Variants in SGCG observed in about 807,000 individuals in gnomAD.
SGCG encodes the protein gamma-sarcoglycan.
SGCG carries 26 observed loss-of-function variants against 29.3 expected under a neutral mutation model. The ratio of observed to expected loss-of-function variants is 0.89; its 90% confidence interval spans 0.65 to 1.23. SGCG has a LOEUF of 1.23. SGCG is among the 50% of genes most tolerant of loss of function. The pLI is 0.00. For synonymous variants in SGCG, 145 were observed against 129.7 expected, an observed-to-expected ratio of 1.12 and a Z score of -0.80; for missense variants, 353 against 356.0, an observed-to-expected ratio of 0.99 and a Z score of 0.07.
intron 6 of SGCG, among the ~76,000 whole-genome samples, chr13:23,300,889 G>T (rs1882132293): frequency 6.6e-6 from 1 of 151,330 alleles, no homozygotes; most frequent in Non-Finnish European, 1.5e-5. Flanking sequence ...GCCGAGGCGG[G>T]CAGATCATGA....
At chr13:23,224,680 A>ACACACACACACACACACC (rs1433903594) in intron 2 of SGCG, among the ~76,000 whole-genome samples, 20 of 150,664 alleles carry the variant, frequency 1.3e-4, no homozygotes, top group South Asian at 4.2e-4. Context: ...ACACACACAC[A>ACACACACACACACACACC]CCCCACACCA....
intron 6 of SGCG, among the ~76,000 whole-genome samples, chr13:23,314,472 T>C (rs961867856): frequency 2.8e-5 from 4 of 140,874 alleles, no homozygotes; most frequent in Admixed American, 7.3e-5. Context: ...ATATATAAGA[T>C]ATATATCTTA....
chr13:23,212,147 A>G (rs1009711579), intron 2 of SGCG, among the ~76,000 whole-genome samples: 1 of 152,096 alleles, frequency 6.6e-6, no homozygotes, highest in Admixed American at 6.6e-5. Flanking sequence ...CCCAGAAGCC[A>G]AGCAGAAACC....
chr13:23,165,173 A>G, the SGCG span, among the ~76,000 whole-genome samples: 1 of 152,220 alleles, frequency 6.6e-6, no homozygotes, highest in South Asian at 2.1e-4. Context: ...GAACTATTTG[A>G]ATTAATCTTG....
chr13:23,210,417 C>T (rs554842168), intron 2 of SGCG, among the ~76,000 whole-genome samples: 9 of 152,084 alleles, frequency 5.9e-5, no homozygotes, highest in South Asian at 2.1e-4. Flanking sequence ...CACGGCTGGG[C>T]GCGGTGGCTC....
chr13:23,272,974 G>A (rs992429779), intron 4 of SGCG, among the ~76,000 whole-genome samples: 12 of 152,012 alleles, frequency 7.9e-5, no homozygotes, highest in African/African-American at 2.9e-4. Flanking sequence ...CATGTGTTGT[G>A]TATTTGTGTT....
At chr13:23,249,061 T>C (rs1879856496) in intron 3 of SGCG, among the ~76,000 whole-genome samples, 3 of 151,998 alleles carry the variant, frequency 2.0e-5, no homozygotes, top group African/African-American at 7.2e-5. Flanking sequence ...TAAAGAACAG[T>C]TCACCTACTC....
intron 1 of SGCG, among the ~76,000 whole-genome samples, chr13:23,193,686 T>C (rs1376289862): frequency 1.3e-5 from 2 of 152,140 alleles, no homozygotes; most frequent in Non-Finnish European, 2.9e-5. Context: ...CAGTTCGAAA[T>C]ACCAAGTGGA....
chr13:23,275,143 A>ATATATATATATATATATG (rs1881023771), intron 4 of SGCG, among the ~76,000 whole-genome samples: 3 of 146,874 alleles, frequency 2.0e-5, no homozygotes, highest in Non-Finnish European at 4.5e-5. Flanking sequence ...ATATATATAT[A>ATATATATATATATATATG]GAAATGAGGA....
chr13:23,203,684 C>G lies in SGCG; in HGVS notation c.1-11C>G, dbSNP rs1002721062. ...CTTTCTCTCTCCTCTCGTGAACACA[C>G]TCCGTGGCAGATGGTGCGTGAGCAG... On this transcript the variant is annotated splice_polypyrimidine_tract_variant and intron_variant, in intron 1 of 7. Coordinates refer to ENST00000218867, the MANE Select transcript of SGCG (RefSeq NM_000231.3). 4 of 1,605,860 alleles carry G rather than the reference C, an allele frequency of 2.5e-6. No individual in the cohort carries two copies. The highest frequency in any genetic ancestry group is 3.4e-6 in the Non-Finnish European group (4 of 1,174,664).
At chr13:23,162,543 G>A in the SGCG span, among the ~76,000 whole-genome samples, 1 of 151,854 alleles carries the variant, frequency 6.6e-6, no homozygotes, top group Non-Finnish European at 1.5e-5. Flanking sequence ...GAAGAATGGC[G>A]TGAACCCGGG....
chr13:23,296,061 G>C (rs1053028386), intron 6 of SGCG, among the ~76,000 whole-genome samples: 1 of 152,240 alleles, frequency 6.6e-6, no homozygotes, highest in Non-Finnish European at 1.5e-5. Flanking sequence ...AGATGCTACA[G>C]GTTTATGATT....
intron 5 of SGCG, among the ~76,000 whole-genome samples, chr13:23,285,854 T>G (rs1881477054): frequency 2.0e-5 from 3 of 152,186 alleles, no homozygotes; most frequent in Admixed American, 6.5e-5. Flanking sequence ...TTCCCTTGGC[T>G]AGGCGAGGGA....
At chr13:23,233,981 T>C (rs993284402) in intron 2 of SGCG, among the ~76,000 whole-genome samples, 4 of 152,194 alleles carry the variant, frequency 2.6e-5, no homozygotes, top group South Asian at 2.1e-4. Flanking sequence ...AGGGCATGAA[T>C]TGGGAAATGC....
intron 2 of SGCG, among the ~76,000 whole-genome samples, chr13:23,220,121 C>CT (rs1878601107): frequency 6.6e-6 from 1 of 151,816 alleles, no homozygotes; most frequent in Admixed American, 6.6e-5. Flanking sequence ...AATTACAGGG[C>CT]TGAGCTACCG....
intron 4 of SGCG, among the ~76,000 whole-genome samples, chr13:23,270,941 G>T (rs1406741113): frequency 6.6e-6 from 1 of 152,032 alleles, no homozygotes; most frequent in Non-Finnish European, 1.5e-5. Context: ...CCATCCTTAG[G>T]CCAGGTGCAG....
Position 23,187,275 on chromosome 13 carries a change from A to T in SGCG, c.-1+6200A>T, listed in dbSNP as rs111261899. On this transcript the variant is annotated intron_variant, in intron 1 of 7. Transcript: ENST00000218867. ...TTGGAGGCTGTTAACGTGGTAAAAG[A>T]TCTTCCTCCTTGATGCCCAATAGGT... Among the ~76,000 whole-genome samples, 1,204 of 152,136 alleles carry T rather than the reference A, an allele frequency of 7.9e-3. 8 individuals carry two copies. The highest frequency in any genetic ancestry group is 0.011 in the Non-Finnish European group (743 of 67,986).
chr13:23,253,577 AG>A (rs1880058894), intron 4 of SGCG, among the ~76,000 whole-genome samples: 1 of 152,222 alleles, frequency 6.6e-6, no homozygotes, highest in East Asian at 1.9e-4. Context: ...CATTTAATTA[AG>A]TGAATAAGTG....
Position 23,234,795 on chromosome 13 carries a change from A to C in SGCG, c.297+83A>C. 3.2e-6 allele frequency: 3 copies of C among 927,162 alleles called. No homozygotes were observed. In the South Asian group the frequency reaches 4.0e-5, roughly 12 times the overall value. 57.4% of individuals were successfully genotyped at this position (927,162 alleles called of 1,614,324 possible). On this transcript the variant is annotated intron_variant, in intron 3 of 7. Transcript: ENST00000218867. ...CACAAAAATTCAGTACAGTTTAGAG[A>C]AGATTTTTAAAGCGCATACATGTGC...
Sources: gnomAD v4.1 joint callset for allele counts (sites outside exome capture counted in the v4.1 genomes callset) on GRCh38, gnomAD v4.1.1 for gene constraint, MANE v1.5 for transcripts, NCBI Gene and HGNC (gene_info 2026-07-23, HGNC 2026-07-21) for gene names.